Variants in SLC9C1 observed in about 807,000 individuals in gnomAD.
The protein encoded by SLC9C1 is sodium/hydrogen exchanger 10.
SLC9C1 carries 97 observed loss-of-function variants against 140.9 expected under a neutral mutation model. The observed-to-expected ratio is 0.69, with a 90% CI of 0.58 to 0.82. The LOEUF (loss-of-function observed/expected upper bound fraction) is 0.82, where lower values mean the gene tolerates loss of function less well. Among genes scored for constraint, SLC9C1 ranks in the 40% least tolerant of loss-of-function variants. SLC9C1 has a pLI of 0.00. For missense variants in SLC9C1, 1,340 were observed against 1,389.3 expected (o/e 0.96, Z 0.56); for synonymous variants, 440 against 442.6 (o/e 0.99, Z 0.07).
At chr3:112,233,676 T>C (rs1248700732) in intron 12 of SLC9C1, among the ~76,000 whole-genome samples, 1 of 140,474 alleles carries the variant, frequency 7.1e-6, no homozygotes, top group South Asian at 2.4e-4. Context: ...TTACCCTTCC[T>C]GTGTCCATGT....
At chr3:112,286,650 A>G (rs530627651) in intron 2 of SLC9C1, 54 bp downstream of exon 2, 108 of 1,446,880 alleles carry the variant, frequency 7.5e-5, no homozygotes, top group Non-Finnish European at 9.7e-5. Flanking sequence ...ATATGGTAGC[A>G]TTTATAAGAT....
intron 20 of SLC9C1, among the ~76,000 whole-genome samples, chr3:112,193,301 C>T (rs1176386338): frequency 2.0e-5 from 3 of 152,164 alleles, no homozygotes; most frequent in East Asian, 1.9e-4. Flanking sequence ...GGGGCATGGG[C>T]ATGCGACTAT....
At chr3:112,264,010 T>A (rs887479314) in intron 9 of SLC9C1, among the ~76,000 whole-genome samples, 190 bp downstream of exon 9, 1 of 151,344 alleles carries the variant, frequency 6.6e-6, no homozygotes, top group Non-Finnish European at 1.5e-5. Context: ...AAAAAACTTA[T>A]AGAGTTTGCA....
chr3:112,211,414 C>A (rs1481940228), intron 15 of SLC9C1, among the ~76,000 whole-genome samples: 1 of 152,238 alleles, frequency 6.6e-6, no homozygotes, highest in Non-Finnish European at 1.5e-5. Context: ...AAGGCATCGC[C>A]TCATCTGGGA....
chr3:112,248,115 A>G (rs2079343905), intron 10 of SLC9C1, among the ~76,000 whole-genome samples: 1 of 152,162 alleles, frequency 6.6e-6, no homozygotes, highest in Admixed American at 6.6e-5. Flanking sequence ...CCATATTGCA[A>G]GCTGACCTAT....
chr3:112,231,333 A>G (rs375308737), intron 13 of SLC9C1, 28 bp downstream of exon 13: 4 of 1,608,866 alleles, frequency 2.5e-6, no homozygotes, highest in Admixed American at 1.7e-5. Context: ...TTGGCCAAAC[A>G]TAATTTCAAA....
intron 13 of SLC9C1, among the ~76,000 whole-genome samples, chr3:112,224,674 C>T (rs1208755246): frequency 6.6e-6 from 1 of 150,740 alleles, no homozygotes; most frequent in East Asian, 1.9e-4. Context: ...GCTTTGATAA[C>T]AAACTAGATC....
intron 20 of SLC9C1, chr3:112,185,364 A>G (rs2077513621): frequency 1.2e-5 from 8 of 688,522 alleles, no homozygotes; most frequent in Admixed American, 3.0e-5. Flanking sequence ...AAAAGGTCTC[A>G]GCTCCAGGTC....
intron 26 of SLC9C1, among the ~76,000 whole-genome samples, chr3:112,157,150 G>A (rs1004747333): frequency 2.0e-5 from 3 of 151,656 alleles, no homozygotes; most frequent in African/African-American, 7.3e-5. Flanking sequence ...TACAGTTTTA[G>A]GTCTTAAATT....
At chr3:112,240,357 TA>T (rs1201140650) in intron 11 of SLC9C1, among the ~76,000 whole-genome samples, 1 of 152,238 alleles carries the variant, frequency 6.6e-6, no homozygotes, top group Non-Finnish European at 1.5e-5. Context: ...AACAGAGGTA[TA>T]ATGGTTAGTT....
intron 23 of SLC9C1, among the ~76,000 whole-genome samples, chr3:112,176,583 T>G (rs902812266): frequency 6.6e-6 from 1 of 152,224 alleles, no homozygotes; most frequent in Admixed American, 6.5e-5. Flanking sequence ...ATTTCATGCT[T>G]CTTTGCTTGT....
chr3:112,154,930 G>A (rs972563141), intron 27 of SLC9C1, 67 bp downstream of exon 27: 21 of 1,436,204 alleles, frequency 1.5e-5, no homozygotes, highest in African/African-American at 2.9e-5. Flanking sequence ...CACATTGGTA[G>A]TTTCCATAAA....
intron 25 of SLC9C1, among the ~76,000 whole-genome samples, chr3:112,168,118 T>G (rs559055176): frequency 1.3e-5 from 2 of 152,314 alleles, no homozygotes; most frequent in South Asian, 4.1e-4. Context: ...CTTTACTTAT[T>G]TGTTTCTTTT....
chr3:112,167,844 T>C (rs1369398885), intron 25 of SLC9C1, among the ~76,000 whole-genome samples: 1 of 152,198 alleles, frequency 6.6e-6, no homozygotes, highest in Non-Finnish European at 1.5e-5. Flanking sequence ...TTCAGGCTCC[T>C]GCTTGGCTGT....
chr3:112,291,049 GT>G (rs1020537262), intron 1 of SLC9C1, among the ~76,000 whole-genome samples: 1 of 152,096 alleles, frequency 6.6e-6, no homozygotes, highest in Non-Finnish European at 1.5e-5. Context: ...TACTTTCGAG[GT>G]TAGTATTGAT....
intron 13 of SLC9C1, among the ~76,000 whole-genome samples, chr3:112,222,658 A>G (rs1055186186): frequency 6.6e-6 from 1 of 152,144 alleles, no homozygotes; most frequent in African/African-American, 2.4e-5. Flanking sequence ...TATTAGTAAC[A>G]AAAACAAGAC....
At position 112,281,411 on chromosome 3, in the gene SLC9C1, T is replaced by A. The variant is rs9849358; in HGVS notation, c.89-628A>T. On this transcript the variant is annotated intron_variant, in intron 2 of 28. Transcript: ENST00000305815. ...GATATTGGGAGAAAAGGCTCTCCGATGTGGAGATAATGGGGAAGCTCTTGG... is the reference window on the plus strand; with the variant it reads ...GATATTGGGAGAAAAGGCTCTCCGAAGTGGAGATAATGGGGAAGCTCTTGG... Among the ~76,000 whole-genome samples, 1,516 of 152,210 alleles carry A rather than the reference T, an allele frequency of 1.0e-2. 25 individuals carry two copies. Among genetic ancestry groups the A allele is most frequent in the African/African-American group, 0.034 (1,413 of 41,518 alleles).
chr3:112,261,203 A>G (rs773924857), intron 10 of SLC9C1, among the ~76,000 whole-genome samples: 11 of 152,064 alleles, frequency 7.2e-5, no homozygotes, highest in African/African-American at 1.2e-4. Context: ...GTTGTTTACT[A>G]TGGAAAGTAA....
intron 13 of SLC9C1, among the ~76,000 whole-genome samples, chr3:112,229,301 T>C (rs1445601234): frequency 6.6e-6 from 1 of 152,110 alleles, no homozygotes; most frequent in Non-Finnish European, 1.5e-5. Context: ...ATCTATTGTA[T>C]TTTTTCATAT....
Sources: gnomAD v4.1 joint callset for allele counts (sites outside exome capture counted in the v4.1 genomes callset) on GRCh38, gnomAD v4.1.1 for gene constraint, MANE v1.5 for transcripts, NCBI Gene and HGNC (gene_info 2026-07-23, HGNC 2026-07-21) for gene names.